ASCC2: variants seen among roughly 807,000 people sequenced by gnomAD.
ASCC2 encodes ASC-1 complex subunit P100.
ASCC2 carries 42 observed loss-of-function variants against 93.5 expected under a neutral mutation model. The ratio of observed to expected loss-of-function variants is 0.45; its 90% confidence interval spans 0.35 to 0.58. The LOEUF (loss-of-function observed/expected upper bound fraction) is 0.58, where lower values mean the gene tolerates loss of function less well. Among genes scored for constraint, ASCC2 ranks in the 20% least tolerant of loss-of-function variants. The pLI is 0.00. For synonymous variants in ASCC2, 364 were observed against 384.2 expected (o/e 0.95, Z 0.62); for missense variants, 859 against 977.6 (o/e 0.88, Z 1.62).
rs766036194 is a variant in ASCC2, at chr22:29,800,965, G to A, written c.1688+26C>T. On this transcript the variant is annotated intron_variant, in intron 15 of 19. Coordinates refer to ENST00000307790, the MANE Select transcript of ASCC2 (RefSeq NM_032204.5). ...TCTGCACTTCCAGAGTTGGGGTATCGGAACCCCATGGCCCACTGCACTCAC... is the reference window on the plus strand; with the variant it reads ...TCTGCACTTCCAGAGTTGGGGTATCAGAACCCCATGGCCCACTGCACTCAC... 2.4e-5 allele frequency: 38 copies of A among 1,554,624 alleles called. No homozygotes were observed. In the South Asian group the frequency reaches 2.5e-4, roughly 10 times the overall value.
In ASCC2 at chr22:29,814,729, C is replaced by G; in HGVS notation, c.648G>C (p.Gly216=). 1 of 1,609,394 alleles carries G rather than the reference C, an allele frequency of 6.2e-7. No homozygotes were observed. The highest frequency in any genetic ancestry group is 8.5e-7 in the Non-Finnish European group (1 of 1,178,120). Residue 216 remains glycine (G), a synonymous_variant, in exon 7 of 20, where the codon GGG becomes GGC. Coordinates refer to ENST00000307790, the MANE Select transcript of ASCC2 (RefSeq NM_032204.5). ...TCTGGGGTGTGGTATTGGCCCCGTC[C>G]CCTTGCAAACCACAGTGCTGGAGGA... ...SNILQHCGLQ[G]DGANTTPQKL...
At chr22:29,804,507 C>T (rs1195448103) in intron 13 of ASCC2, 131 bp downstream of exon 13, 3 of 1,057,152 alleles carry the variant, frequency 2.8e-6, no homozygotes, top group Non-Finnish European at 4.2e-6. Context: ...TTGCTTGAGG[C>T]TGTCTATTCC....
chr22:29,806,538 C>T lies in ASCC2; in HGVS notation c.1032G>A (p.Gln344=). ...PILESSCDNI[Q]GFIEEFLQIF... ...TCTGAAGGAACTCTTCGATGAAGCC[C>T]TGAATGTTGTCACAGCTAGAACAAG... The change falls in exon 11 of 20, where the codon CAG becomes CAA. Residue 344 remains glutamine, a synonymous_variant. Coordinates refer to ENST00000307790, the MANE Select transcript of ASCC2 (RefSeq NM_032204.5). 4 of 1,613,730 alleles carry T rather than the reference C, an allele frequency of 2.5e-6. No homozygotes were observed. Among genetic ancestry groups the T allele is most frequent in the Non-Finnish European group, 3.4e-6 (4 of 1,179,838 alleles).
At chr22:29,820,774 A>C (rs1419341826) in intron 5 of ASCC2, among the ~76,000 whole-genome samples, 3 of 151,758 alleles carry the variant, frequency 2.0e-5, no homozygotes, top group Non-Finnish European at 2.9e-5. Context: ...ATCTCTACTA[A>C]AAATACCTGT....
At chr22:29,811,447 C>T (rs2060268481) in intron 8 of ASCC2, among the ~76,000 whole-genome samples, 1 of 152,150 alleles carries the variant, frequency 6.6e-6, no homozygotes, top group Non-Finnish European at 1.5e-5. Flanking sequence ...AGTATATCTA[C>T]TCAGCTATAC....
chr22:29,805,026 G>A (rs1945088876), intron 12 of ASCC2, among the ~76,000 whole-genome samples, 196 bp from the exon 13 acceptor site: 1 of 152,194 alleles, frequency 6.6e-6, no homozygotes, highest in Admixed American at 6.5e-5. Context: ...TCACAACCTA[G>A]TGCCTTTCAC....
chr22:29,822,521 A>C, intron 4 of ASCC2, 57 bp from the exon 5 acceptor site: 1 of 1,592,238 alleles, frequency 6.3e-7, no homozygotes, highest in African/African-American at 1.3e-5. Flanking sequence ...CTACATTATA[A>C]ATAGCAAACT....
intron 1 of ASCC2, 143 bp downstream of exon 1, chr22:29,838,035 C>G (rs1347756151): frequency 2.6e-5 from 10 of 379,968 alleles, no homozygotes. Flanking sequence ...TCTCGAGAGG[C>G]GGCTCACAAC....
At chr22:29,790,691 A>G (rs2057617896) in intron 18 of ASCC2, 143 bp from the exon 19 acceptor site, 3 of 822,852 alleles carry the variant, frequency 3.6e-6, no homozygotes, top group African/African-American at 1.7e-5. Context: ...AGCGACGCCC[A>G]GGAATGGAGT....
chr22:29,837,600 A>G (rs970659399), intron 1 of ASCC2, among the ~76,000 whole-genome samples: 1 of 152,224 alleles, frequency 6.6e-6, no homozygotes, highest in Admixed American at 6.5e-5. Flanking sequence ...CCCAATTGCA[A>G]TATGGCCTGG....
At chr22:29,832,387 C>T (rs1395322761) in intron 1 of ASCC2, 45 bp from the exon 2 acceptor site, 1 of 1,479,344 alleles carries the variant, frequency 6.8e-7, no homozygotes, top group Admixed American at 1.7e-5. Flanking sequence ...CACACAGACT[C>T]CTGGGGGCAG....
chr22:29,829,918 T>G (rs2062914125), intron 2 of ASCC2, among the ~76,000 whole-genome samples: 1 of 152,128 alleles, frequency 6.6e-6, no homozygotes, highest in Non-Finnish European at 1.5e-5. Flanking sequence ...GGTGGTGTGG[T>G]AACTACCCTT....
chr22:29,800,767 G>A (rs1338609617), intron 15 of ASCC2, among the ~76,000 whole-genome samples: 1 of 152,172 alleles, frequency 6.6e-6, no homozygotes, highest in African/African-American at 2.4e-5. Context: ...GCTATCAACA[G>A]GGGGGATTCA....
chr22:29,824,674 T>C (rs552525791), intron 4 of ASCC2, among the ~76,000 whole-genome samples: 1 of 152,284 alleles, frequency 6.6e-6, no homozygotes, highest in South Asian at 2.1e-4. Flanking sequence ...GGAGAGATTT[T>C]GTCGGTGACA....
At chr22:29,832,891 C>A (rs180692624) in intron 1 of ASCC2, among the ~76,000 whole-genome samples, 9 of 152,282 alleles carry the variant, frequency 5.9e-5, no homozygotes, top group African/African-American at 2.2e-4. Flanking sequence ...CAGGCATGCA[C>A]CACTACGGCC....
In ASCC2 at chr22:29,793,568, G is replaced by T; in HGVS notation, c.1788+9C>A. The T allele has an allele frequency of 6.2e-7, 1 of 1,613,304 alleles. No individual in the cohort carries two copies. The highest frequency in any genetic ancestry group is 8.5e-7 in the Non-Finnish European group (1 of 1,179,784). On this transcript the variant is annotated intron_variant, in intron 16 of 19. Coordinates refer to ENST00000307790, the MANE Select transcript of ASCC2 (RefSeq NM_032204.5). ...CTGGCCCAGCAGAGACCTGGCCTTGGTGGCCTACCTCCTCCACCACCACGC... is the reference window on the plus strand; with the variant it reads ...CTGGCCCAGCAGAGACCTGGCCTTGTTGGCCTACCTCCTCCACCACCACGC...
chr22:29,789,207 C>CTG (rs755790631), intron 19 of ASCC2, 23 bp from the exon 20 acceptor site: 3 of 1,613,708 alleles, frequency 1.9e-6, no homozygotes, highest in African/African-American at 2.7e-5. Context: ...CAACCCACCC[C>CTG]ACGAGAACCT....
intron 5 of ASCC2, among the ~76,000 whole-genome samples, chr22:29,819,998 T>C (rs2063082940): frequency 6.6e-6 from 1 of 151,892 alleles, no homozygotes; most frequent in Non-Finnish European, 1.5e-5. Flanking sequence ...TAGCTGAGAC[T>C]ACAGGGGCAT....
intron 1 of ASCC2, among the ~76,000 whole-genome samples, chr22:29,834,771 CCA>C (rs1375516878): frequency 1.3e-5 from 2 of 152,100 alleles, no homozygotes; most frequent in African/African-American, 4.8e-5. Flanking sequence ...ACATTATTGG[CCA>C]AGCTGAAACC....
Sources: gnomAD v4.1 joint callset for allele counts (sites outside exome capture counted in the v4.1 genomes callset) on GRCh38, gnomAD v4.1.1 for gene constraint, MANE v1.5 for transcripts, NCBI Gene and HGNC (gene_info 2026-07-23, HGNC 2026-07-21) for gene names.